PRR16: variants seen among roughly 807,000 people sequenced by gnomAD.
PRR16 encodes the protein proline rich 16, also known as protein Largen.
PRR16 carries 6 observed loss-of-function variants against 18.2 expected under a neutral mutation model. The observed-to-expected ratio is 0.33, with a 90% CI of 0.18 to 0.65. PRR16 has a LOEUF of 0.65. Ranked by LOEUF, PRR16 falls within the 30% of genes least tolerant of loss-of-function variation. The pLI is 0.74. For synonymous variants in PRR16, 151 were observed against 147.8 expected (o/e 1.02, Z -0.16); for missense variants, 412 against 376.6 (o/e 1.09, Z -0.78).
At chr5:120,503,790 T>TC (rs1164903129) in intron 1 of PRR16, among the ~76,000 whole-genome samples, 1 of 147,524 alleles carries the variant, frequency 6.8e-6, no homozygotes, top group Non-Finnish European at 1.5e-5. Context: ...CCCTCCCCGC[T>TC]CCCCCCACCC....
the PRR16 span, among the ~76,000 whole-genome samples, chr5:120,786,780 GC>G: frequency 3.3e-5 from 5 of 151,740 alleles, no homozygotes; most frequent in Non-Finnish European, 7.4e-5. Flanking sequence ...TGCCCTTACT[GC>G]ATAGAAATGT....
intron 1 of PRR16, among the ~76,000 whole-genome samples, chr5:120,520,331 G>T (rs1044139455): frequency 2.6e-5 from 4 of 152,120 alleles, no homozygotes; most frequent in African/African-American, 9.7e-5. Flanking sequence ...GGAGGTGGAG[G>T]TTGCAGTGAG....
chr5:120,714,961 G>T, the PRR16 span, among the ~76,000 whole-genome samples: 3 of 152,080 alleles, frequency 2.0e-5, no homozygotes, highest in African/African-American at 7.2e-5. Context: ...ACACAGGGAG[G>T]AGAACAACAC....
chr5:120,539,529 G>A (rs957360297), intron 1 of PRR16, among the ~76,000 whole-genome samples: 1 of 152,048 alleles, frequency 6.6e-6, no homozygotes, highest in Non-Finnish European at 1.5e-5. Context: ...TGGATGGGAA[G>A]AGGGTGAATA....
At position 120,464,663 on chromosome 5, in the gene PRR16, G is replaced by A. The variant is rs766267192; in HGVS notation, c.159+18G>A. On this transcript the variant is annotated intron_variant, in intron 1 of 1. Transcript: ENST00000407149. ...TTAAGGAGGTGAGAGGCGCAGGGGT[G>A]GGGAGGGAGTTCGGCACCCTTCGAC... 2.8e-5 allele frequency: 43 copies of A among 1,541,686 alleles called. No individual in the cohort carries two copies. Among genetic ancestry groups the A allele is most frequent in the Non-Finnish European group, 3.5e-5 (40 of 1,149,410 alleles).
the PRR16 span, among the ~76,000 whole-genome samples, chr5:120,709,536 T>C: frequency 6.6e-6 from 1 of 152,270 alleles, no homozygotes; most frequent in Admixed American, 6.5e-5. Context: ...CAATGAATTA[T>C]TGTTAGCTAT....
intron 1 of PRR16, chr5:120,531,600 G>A (rs1403647337): frequency 1.3e-5 from 2 of 152,040 alleles, no homozygotes; most frequent in Non-Finnish European, 2.9e-5. Context: ...TATGAAGTTA[G>A]TTGAATCTTC....
chr5:120,479,394 T>C (rs1187029882), intron 1 of PRR16, among the ~76,000 whole-genome samples: 1 of 152,182 alleles, frequency 6.6e-6, no homozygotes, highest in Admixed American at 6.6e-5. Flanking sequence ...GTTTTAGTTG[T>C]GCAGTTTGAA....
chr5:120,779,637 T>C, the PRR16 span, among the ~76,000 whole-genome samples: 1 of 152,216 alleles, frequency 6.6e-6, no homozygotes, highest in African/African-American at 2.4e-5. Context: ...TATACTGTAG[T>C]ACTTTTTATG....
the PRR16 span, among the ~76,000 whole-genome samples, chr5:120,754,292 TATATA>T: frequency 7.0e-5 from 3 of 43,072 alleles, no homozygotes; most frequent in South Asian, 2.3e-3. Flanking sequence ...AAATATATAA[TATATA>T]ATATATAATA....
At chr5:120,655,296 G>A (rs1428544511) in intron 1 of PRR16, among the ~76,000 whole-genome samples, 1 of 149,348 alleles carries the variant, frequency 6.7e-6, no homozygotes, top group Non-Finnish European at 1.5e-5. Context: ...AAATTTACCT[G>A]TACAAATTAC....
intron 1 of PRR16, among the ~76,000 whole-genome samples, chr5:120,512,954 T>A: frequency 6.6e-6 from 1 of 152,176 alleles, no homozygotes; most frequent in Non-Finnish European, 1.5e-5. Flanking sequence ...GGATTTCCTG[T>A]AAATGGACAG....
chr5:120,749,034 G>A, the PRR16 span, among the ~76,000 whole-genome samples: 1 of 152,070 alleles, frequency 6.6e-6, no homozygotes, highest in Non-Finnish European at 1.5e-5. Context: ...CCAAGTGGCA[G>A]TAGTATGTCA....
At chr5:120,539,399 C>T (rs1244526362) in intron 1 of PRR16, among the ~76,000 whole-genome samples, 3 of 151,290 alleles carry the variant, frequency 2.0e-5, no homozygotes, top group Admixed American at 2.0e-4. Flanking sequence ...CATAGATATT[C>T]CAAAGGATTT....
the PRR16 span, among the ~76,000 whole-genome samples, chr5:120,746,767 A>T: frequency 6.6e-6 from 1 of 152,130 alleles, no homozygotes; most frequent in Non-Finnish European, 1.5e-5. Context: ...TGTAACGGAA[A>T]ACCAATCAGG....
intron 1 of PRR16, among the ~76,000 whole-genome samples, chr5:120,645,952 G>A (rs1195763518): frequency 1.3e-5 from 2 of 151,036 alleles, no homozygotes; most frequent in Non-Finnish European, 3.0e-5. Context: ...TGCCCAATAT[G>A]AGGATCATAA....
chr5:120,677,456 G>A (rs1332848680), intron 1 of PRR16, among the ~76,000 whole-genome samples: 1 of 152,152 alleles, frequency 6.6e-6, no homozygotes, highest in Admixed American at 6.6e-5. Flanking sequence ...GTTAGGGGAA[G>A]GTAGTGTATT....
At chr5:120,787,144 G>A in the PRR16 span, among the ~76,000 whole-genome samples, 11 of 152,208 alleles carry the variant, frequency 7.2e-5, no homozygotes, top group African/African-American at 2.4e-4. Flanking sequence ...TCAATGTGGA[G>A]TAGACTTATT....
chr5:120,710,717 A>T, the PRR16 span: 1 of 152,196 alleles, frequency 6.6e-6, no homozygotes, highest in Non-Finnish European at 1.5e-5. Flanking sequence ...GATTGTTAAA[A>T]ATTGCCAAAG....
Sources: allele counts gnomAD v4.1 joint callset (sites outside exome capture counted in the v4.1 genomes callset), GRCh38; gene constraint gnomAD v4.1.1; transcripts MANE v1.5; gene names NCBI Gene and HGNC (gene_info 2026-07-23, HGNC 2026-07-21).